The following GPC3 variants were observed in gnomAD, a reference collection of about 807,000 sequenced individuals.
The protein encoded by GPC3 is glypican 3, also known as glypican-3.
A neutral mutation model predicts 34.4 loss-of-function variants in GPC3; 3 were observed. That is an observed-to-expected ratio of 0.09 (90% CI 0.04 to 0.23). GPC3 has a LOEUF of 0.23. Among genes scored for constraint, GPC3 ranks in the 10% least tolerant of loss-of-function variants. The probability of loss-of-function intolerance (pLI) is 1.00; values close to 1 mark genes in which losing one functional copy is unlikely to be tolerated. For missense variants in GPC3, 351 were observed against 445.6 expected (o/e 0.79, Z 1.91); for synonymous variants, 177 against 174.0 (o/e 1.02, Z -0.13).
intron 2 of GPC3, among the ~76,000 whole-genome samples, chrX:133,788,054 T>G (rs1046187392): frequency 1.9e-4 from 19 of 97,444 alleles, no homozygotes; most frequent in Non-Finnish European, 1.4e-4. Context: ...TATATACATA[T>G]ACGTAATATA....
At chrX:133,810,049 C>T (rs2075656844) in intron 2 of GPC3, among the ~76,000 whole-genome samples, 2 of 111,751 alleles carry the variant, frequency 1.8e-5, no homozygotes, top group Non-Finnish European at 1.9e-5. Context: ...CAGTTTCCGG[C>T]CCATTTTATT....
At chrX:133,549,705 C>G (rs963328843) in intron 7 of GPC3, among the ~76,000 whole-genome samples, 3 of 94,296 alleles carry the variant, frequency 3.2e-5, no homozygotes, top group African/African-American at 1.2e-4. Flanking sequence ...ATCCTTCCCC[C>G]CTCTCCTGTC....
chrX:133,808,993 T>C (rs1032150822), intron 2 of GPC3, among the ~76,000 whole-genome samples: 1 of 112,448 alleles, frequency 8.9e-6, no homozygotes, highest in African/African-American at 3.2e-5. Context: ...TTTCAAGTTA[T>C]TCTCTTTTTC....
chrX:133,837,995 CA>C (rs934713325), intron 2 of GPC3, among the ~76,000 whole-genome samples: 4 of 111,921 alleles, frequency 3.6e-5, no homozygotes, highest in African/African-American at 9.7e-5. Context: ...AAACTAACTG[CA>C]AAAGATGTTA....
At chrX:133,670,924 T>C in intron 5 of GPC3, 4 of 392,359 alleles carry the variant, frequency 1.0e-5, no homozygotes, top group South Asian at 4.2e-5. Flanking sequence ...CATATCTAAA[T>C]AAAAATGTCT....
At chrX:133,884,516 T>C (rs1449185202) in intron 2 of GPC3, among the ~76,000 whole-genome samples, 1 of 111,764 alleles carries the variant, frequency 8.9e-6, no homozygotes, top group East Asian at 2.8e-4. Flanking sequence ...CACATACTAA[T>C]CTTATGTAAT....
chrX:133,864,574 G>A (rs2075957766), intron 2 of GPC3, among the ~76,000 whole-genome samples: 2 of 111,828 alleles, frequency 1.8e-5, no homozygotes, highest in Admixed American at 9.5e-5. Context: ...AATACCCAAT[G>A]CTCACATGTC....
At chrX:133,657,915 A>AGAGG (rs1414189779) in intron 6 of GPC3, among the ~76,000 whole-genome samples, 1 of 108,714 alleles carries the variant, frequency 9.2e-6, no homozygotes, top group African/African-American at 3.4e-5. Flanking sequence ...AGAGAGAGAG[A>AGAGG]GAGAGAGAGA....
At chrX:133,612,312 T>G (rs2070120602) in intron 6 of GPC3, among the ~76,000 whole-genome samples, 1 of 112,319 alleles carries the variant, frequency 8.9e-6, no homozygotes, top group Admixed American at 9.4e-5. Context: ...ACTTTACCCT[T>G]AGAAATATTA....
intron 2 of GPC3, among the ~76,000 whole-genome samples, chrX:133,758,713 A>C (rs1180838960): frequency 9.0e-6 from 1 of 111,439 alleles, no homozygotes; most frequent in African/African-American, 3.3e-5. Flanking sequence ...ATAAAATTAA[A>C]AAATAAAGAA....
At chrX:133,938,296 T>G (rs2076331154) in intron 2 of GPC3, among the ~76,000 whole-genome samples, 1 of 111,745 alleles carries the variant, frequency 8.9e-6, no homozygotes, top group African/African-American at 3.2e-5. Flanking sequence ...GTTAGAGAGG[T>G]TTGGTAGACT....
chrX:133,848,297 G>A (rs1310456465), intron 2 of GPC3, among the ~76,000 whole-genome samples: 3 of 111,689 alleles, frequency 2.7e-5, no homozygotes, highest in African/African-American at 9.8e-5. Flanking sequence ...AGTTGGGGGA[G>A]TGGTTCAAGG....
chrX:133,539,287 C>A (rs1270750656), intron 7 of GPC3, among the ~76,000 whole-genome samples: 4 of 111,172 alleles, frequency 3.6e-5, no homozygotes, highest in Non-Finnish European at 5.7e-5. Context: ...AGGTCTGACT[C>A]TAAACCTCAA....
intron 3 of GPC3, among the ~76,000 whole-genome samples, chrX:133,727,581 T>A (rs2071422617): frequency 9.0e-6 from 1 of 111,372 alleles, no homozygotes; most frequent in Admixed American, 9.5e-5. Context: ...TGGCAACTTT[T>A]AACATACTTC....
rs751426034 is a variant in GPC3 at position 133,590,924 on chromosome X, G to C, written c.1573+5516C>G. ...CAGACTGCTGGCACTGGAATGCCCTGCAAGACTTGTGTGTACACTCCCTCT... is the reference window on the plus strand; with the variant it reads ...CAGACTGCTGGCACTGGAATGCCCTCCAAGACTTGTGTGTACACTCCCTCT... On this transcript the variant is annotated intron_variant, in intron 7 of 7. Transcript: ENST00000370818. 1.3e-4 allele frequency among the ~76,000 whole-genome samples: 15 copies of C among 112,074 alleles called. 1 individual carries two copies. The South Asian group carries it at 5.7e-3, about 43-fold the overall frequency.
chrX:133,969,014 T>G (rs949229340), intron 1 of GPC3, among the ~76,000 whole-genome samples: 11 of 110,100 alleles, frequency 1.0e-4, no homozygotes, highest in Non-Finnish European at 1.9e-4. Context: ...CTAGATCCAG[T>G]AATTCCAGCA....
chrX:133,719,294 A>G (rs74830573), intron 3 of GPC3, among the ~76,000 whole-genome samples: 2 of 112,395 alleles, frequency 1.8e-5, no homozygotes, highest in African/African-American at 6.4e-5. Context: ...GGAAATTCAC[A>G]AATATGTGGA....
intron 3 of GPC3, among the ~76,000 whole-genome samples, chrX:133,715,643 G>A (rs2071306146): frequency 9.0e-6 from 1 of 111,103 alleles, no homozygotes; most frequent in Non-Finnish European, 1.9e-5. Flanking sequence ...GGAGACATCT[G>A]CTGAACTCAA....
At chrX:133,829,185 G>A (rs1468351894) in intron 2 of GPC3, among the ~76,000 whole-genome samples, 1 of 111,874 alleles carries the variant, frequency 8.9e-6, no homozygotes, top group Non-Finnish European at 1.9e-5. Flanking sequence ...GAGAGCTAAA[G>A]TGGCTATACT....
Sources: gnomAD v4.1 joint callset for allele counts (sites outside exome capture counted in the v4.1 genomes callset) on GRCh38, gnomAD v4.1.1 for gene constraint, MANE v1.5 for transcripts, NCBI Gene and HGNC (gene_info 2026-07-23, HGNC 2026-07-21) for gene names.